Variants in LIMCH1 observed in about 807,000 individuals in gnomAD.
LIMCH1 encodes the protein LIM and calponin homology domains 1.
A neutral mutation model predicts 176.5 loss-of-function variants in LIMCH1; 113 were observed. That is an observed-to-expected ratio of 0.64 (90% CI 0.55 to 0.75). The LOEUF (loss-of-function observed/expected upper bound fraction) is 0.75, where lower values mean the gene tolerates loss of function less well. LIMCH1 is among the 30% of genes least tolerant of loss of function. LIMCH1 has a pLI of 0.00. For synonymous variants in LIMCH1, 619 were observed against 645.9 expected (o/e 0.96, Z 0.63); for missense variants, 1,674 against 1,814.9 (o/e 0.92, Z 1.41).
At chr4:41,557,546 C>CTGTG (rs34757433) in intron 1 of LIMCH1, among the ~76,000 whole-genome samples, 3,675 of 147,826 alleles carry the variant, frequency 0.025, 61 homozygotes, top group Middle Eastern at 0.048. Flanking sequence ...TTTATTGCCT[C>CTGTG]TGTGTGTGTG....
At chr4:41,362,867 A>G (rs1156759780) in intron 1 of LIMCH1, among the ~76,000 whole-genome samples, 4 of 152,198 alleles carry the variant, frequency 2.6e-5, no homozygotes, top group African/African-American at 9.6e-5. Flanking sequence ...TTAAGACAGT[A>G]GAACCTCATT....
chr4:41,535,397 C>CTT (rs2077797948), upstream of LIMCH1, among the ~76,000 whole-genome samples: 1 of 152,048 alleles, frequency 6.6e-6, no homozygotes, highest in Admixed American at 6.6e-5. Flanking sequence ...GGTTAGAAGT[C>CTT]TGAGATCAAG....
At chr4:41,647,135 T>A (rs1032138286) in intron 17 of LIMCH1, among the ~76,000 whole-genome samples, 2 of 152,230 alleles carry the variant, frequency 1.3e-5, no homozygotes, top group Admixed American at 6.5e-5. Context: ...AGTGGAGTCG[T>A]CTCCATGAGC....
At position 41,695,805 on chromosome 4, in the gene LIMCH1, T is replaced by TAA. The variant is rs146510226; in HGVS notation, c.4379-1353_4379-1352dup. ...AATTCTTTGCTGATGTCCTAAGAAA[T>TAA]AAATATACCTTAGGAATGAATAGGT... On this transcript the variant is annotated intron_variant, in intron 31 of 31. Transcript: ENST00000503057. Among the ~76,000 whole-genome samples the TAA allele has an allele frequency of 7.2e-3, 1,091 of 152,114 alleles. 12 individuals are homozygous for TAA. The highest frequency in any genetic ancestry group is 0.025 in the African/African-American group (1,043 of 41,508).
chr4:41,583,672 A>G (rs1171577773), intron 1 of LIMCH1, among the ~76,000 whole-genome samples: 1 of 152,196 alleles, frequency 6.6e-6, no homozygotes, highest in Non-Finnish European at 1.5e-5. Context: ...TGAATTACAT[A>G]GAAAAAAATT....
chr4:41,463,628 T>C (rs1216041468), intron 1 of LIMCH1, among the ~76,000 whole-genome samples: 2 of 151,754 alleles, frequency 1.3e-5, no homozygotes, highest in Non-Finnish European at 2.9e-5. Context: ...CAGGCTGTTG[T>C]GCAGAGTCAT....
chr4:41,418,014 AT>A (rs1410933037), intron 1 of LIMCH1, among the ~76,000 whole-genome samples: 1 of 152,248 alleles, frequency 6.6e-6, no homozygotes, highest in Non-Finnish European at 1.5e-5. Flanking sequence ...CATTTTGGCA[AT>A]GAAAGTTGTT....
rs79746638 is a variant in LIMCH1 at position 41,457,520 on chromosome 4, G to A, written c.97-37016G>A. On this transcript the variant is annotated intron_variant, in intron 1 of 26. Coordinates refer to the LIMCH1 transcript ENST00000313860. ...AATTGCTCATTTAATCCTCCCAATA[G>A]TACTGAAGCAAGTAGTTTTATTATT... Among the ~76,000 whole-genome samples the A allele has an allele frequency of 5.1e-4, 78 of 152,266 alleles. No homozygotes were observed. The East Asian group carries it at 0.011, about 21-fold the overall frequency.
At chr4:41,633,916 C>G (rs528915284) in intron 13 of LIMCH1, 108 bp downstream of exon 13, 3 of 1,229,620 alleles carry the variant, frequency 2.4e-6, no homozygotes, top group African/African-American at 3.1e-5. Flanking sequence ...CTGTTGCTAG[C>G]AGAAACAGAA....
chr4:41,623,762 C>A (rs1039037535), intron 7 of LIMCH1, among the ~76,000 whole-genome samples: 4 of 152,100 alleles, frequency 2.6e-5, no homozygotes, highest in Non-Finnish European at 5.9e-5. Context: ...CTCGCATTAT[C>A]TTTAAGGCAG....
intron 1 of LIMCH1, among the ~76,000 whole-genome samples, chr4:41,408,031 G>T (rs114239178): frequency 9.9e-5 from 15 of 152,114 alleles, no homozygotes; most frequent in Non-Finnish European, 2.1e-4. Flanking sequence ...TATGAAACTG[G>T]TCTCATTTCA....
chr4:41,678,583 A>G (rs1400513015), intron 23 of LIMCH1, among the ~76,000 whole-genome samples: 1 of 152,190 alleles, frequency 6.6e-6, no homozygotes, highest in Non-Finnish European at 1.5e-5. Context: ...GTGGTGCTCT[A>G]TTACATGCCA....
chr4:41,537,808 A>T (rs1401496013), upstream of LIMCH1, among the ~76,000 whole-genome samples: 1 of 152,224 alleles, frequency 6.6e-6, no homozygotes, highest in Non-Finnish European at 1.5e-5. Context: ...ACTAGAAGCC[A>T]CTTAGAGATT....
chr4:41,678,895 C>G (rs1440140989), intron 23 of LIMCH1, among the ~76,000 whole-genome samples: 5 of 152,204 alleles, frequency 3.3e-5, no homozygotes. Context: ...AGGTCTCCTT[C>G]CTGTGCCCCT....
intron 2 of LIMCH1, chr4:41,494,653 A>C: frequency 8.3e-7 from 1 of 1,202,000 alleles, no homozygotes; most frequent in Non-Finnish European, 1.2e-6. Flanking sequence ...AAACATCATT[A>C]ATACTATCCA....
intron 9 of LIMCH1, 122 bp from the exon 10 acceptor site, chr4:41,631,026 G>A (rs1180863579): frequency 2.4e-6 from 2 of 816,880 alleles, no homozygotes; most frequent in Admixed American, 6.6e-5. Flanking sequence ...CCGTCAGTGG[G>A]ATGCCGAACT....
chr4:41,692,375 C>A lies in LIMCH1; in HGVS notation c.4369C>A (p.Arg1457=). The A allele has an allele frequency of 3.7e-6, 6 of 1,604,722 alleles. No individual in the cohort carries two copies. Among genetic ancestry groups the A allele is most frequent in the Non-Finnish European group, 5.1e-6 (6 of 1,171,666 alleles). ...GLLNCNDCYM[R]SRSAGQPTTL ...CCTGAACTGTAATGATTGCTACATG[C>A]GATCCAGAAGTAAGTACTGGGGAGA... The change falls in exon 31 of 32, where the codon CGA becomes AGA. Residue 1457 remains arginine, a synonymous_variant. Coordinates refer to ENST00000503057, the MANE Select transcript of LIMCH1 (RefSeq NM_001330672.2).
intron 1 of LIMCH1, among the ~76,000 whole-genome samples, chr4:41,565,647 T>G (rs2082667395): frequency 6.6e-6 from 1 of 152,084 alleles, no homozygotes; most frequent in African/African-American, 2.4e-5. Context: ...ACAAGTATGC[T>G]TGGACTGGTG....
intron 2 of LIMCH1, among the ~76,000 whole-genome samples, chr4:41,496,898 T>A (rs1317054664): frequency 6.6e-6 from 1 of 152,176 alleles, no homozygotes; most frequent in Non-Finnish European, 1.5e-5. Flanking sequence ...TGCCTAAGAC[T>A]GTACCACTCT....
Sources: allele counts gnomAD v4.1 joint callset (sites outside exome capture counted in the v4.1 genomes callset), GRCh38; gene constraint gnomAD v4.1.1; transcripts MANE v1.5; gene names NCBI Gene and HGNC (gene_info 2026-07-23, HGNC 2026-07-21).